PLCB1: variants seen among roughly 807,000 people sequenced by gnomAD.
PLCB1 encodes phospholipase C beta 1.
A neutral mutation model predicts 161.8 loss-of-function variants in PLCB1; 46 were observed. That is an observed-to-expected ratio of 0.28 (90% CI 0.22 to 0.36). PLCB1 has a LOEUF of 0.36. Among genes scored for constraint, PLCB1 ranks in the 10% least tolerant of loss-of-function variants. PLCB1 has a pLI of 1.00. For missense variants in PLCB1, 1,016 were observed against 1,472.5 expected, an observed-to-expected ratio of 0.69 and a Z score of 5.07; for synonymous variants, 517 against 503.7, an observed-to-expected ratio of 1.03 and a Z score of -0.35.
chr20:8,380,097 G>T (rs1017258428), intron 3 of PLCB1, among the ~76,000 whole-genome samples: 1 of 152,134 alleles, frequency 6.6e-6, no homozygotes, highest in African/African-American at 2.4e-5. Context: ...TATGGTTTTG[G>T]GTTTTACATT....
intron 31 of PLCB1, among the ~76,000 whole-genome samples, chr20:8,800,148 A>G (rs978689090): frequency 1.2e-4 from 18 of 152,348 alleles, no homozygotes; most frequent in African/African-American, 3.6e-4. Flanking sequence ...CATGAGGGCA[A>G]ATGCAGGCAT....
At chr20:8,768,897 A>G (rs1982520289) in intron 26 of PLCB1, among the ~76,000 whole-genome samples, 1 of 152,214 alleles carries the variant, frequency 6.6e-6, no homozygotes, top group Non-Finnish European at 1.5e-5. Context: ...AACTATCCCT[A>G]ATGTTAGGAG....
intron 3 of PLCB1, among the ~76,000 whole-genome samples, chr20:8,422,683 A>G (rs1296937230): frequency 6.6e-6 from 1 of 152,200 alleles, no homozygotes; most frequent in African/African-American, 2.4e-5. Flanking sequence ...ATTTGGAAAT[A>G]AATGCCCTTC....
At chr20:8,134,477 A>G (rs144376907) in intron 1 of PLCB1, among the ~76,000 whole-genome samples, 3 of 152,234 alleles carry the variant, frequency 2.0e-5, no homozygotes, top group Non-Finnish European at 4.4e-5. Flanking sequence ...CCAACATCAC[A>G]TTGAGAATGA....
chr20:8,796,574 TC>T (rs1416670437), intron 31 of PLCB1, among the ~76,000 whole-genome samples: 2 of 152,232 alleles, frequency 1.3e-5, no homozygotes, highest in Non-Finnish European at 2.9e-5. Flanking sequence ...CTGCTCATTG[TC>T]AAGTCTCAAT....
At chr20:8,229,062 C>T (rs1345920530) in intron 2 of PLCB1, among the ~76,000 whole-genome samples, 1 of 152,112 alleles carries the variant, frequency 6.6e-6, no homozygotes, top group Non-Finnish European at 1.5e-5. Context: ...TTCTCACCCT[C>T]TAGTAGCCAC....
intron 2 of PLCB1, among the ~76,000 whole-genome samples, chr20:8,365,983 T>A (rs1986699062): frequency 6.6e-6 from 1 of 152,000 alleles, no homozygotes; most frequent in South Asian, 2.1e-4. Flanking sequence ...GGATTTCATG[T>A]CTCATCTACC....
intron 15 of PLCB1, 21 bp from the exon 16 acceptor site, chr20:8,724,635 C>CT (rs1288310956): frequency 7.3e-7 from 1 of 1,377,164 alleles, no homozygotes. Context: ...GAAATGTTTT[C>CT]TTTTTTATTC....
intron 3 of PLCB1, among the ~76,000 whole-genome samples, chr20:8,434,229 A>G (rs771943): frequency 0.61 from 92,492 of 151,934 alleles, 28,401 homozygotes; most frequent in East Asian, 0.7. Context: ...CATTTTTGAA[A>G]ATACGGTCTC....
At chr20:8,790,080 G>A (rs1983677950) in intron 30 of PLCB1, 95 bp from the exon 31 acceptor site, 1 of 775,788 alleles carries the variant, frequency 1.3e-6, no homozygotes, top group Non-Finnish European at 2.2e-6. Flanking sequence ...ATAATCAAAT[G>A]TAAGCCATAG....
intron 3 of PLCB1, among the ~76,000 whole-genome samples, chr20:8,471,014 C>T (rs1276687362): frequency 6.6e-6 from 1 of 151,988 alleles, no homozygotes; most frequent in Non-Finnish European, 1.5e-5. Flanking sequence ...AATATGATAA[C>T]TAAGTTTTAC....
At chr20:8,315,977 GC>G (rs1175585827) in intron 2 of PLCB1, among the ~76,000 whole-genome samples, 3 of 152,152 alleles carry the variant, frequency 2.0e-5, no homozygotes, top group African/African-American at 7.2e-5. Context: ...AAATCTGCCA[GC>G]TCTCAGGGGG....
chr20:8,307,165 G>A (rs1054683364), intron 2 of PLCB1, among the ~76,000 whole-genome samples: 1 of 152,220 alleles, frequency 6.6e-6, no homozygotes, highest in African/African-American at 2.4e-5. Flanking sequence ...AGTGTTTATT[G>A]TAAAGGCAGC....
chr20:8,323,297 A>G (rs1984996220), intron 2 of PLCB1, among the ~76,000 whole-genome samples: 2 of 152,208 alleles, frequency 1.3e-5, no homozygotes, highest in South Asian at 4.1e-4. Context: ...ATAACATCCC[A>G]AACTTAGTGG....
In PLCB1 at chr20:8,282,958, C is replaced by T. The variant is rs6039119; in HGVS notation, c.178-88424C>T. On this transcript the variant is annotated intron_variant, in intron 2 of 31. Coordinates refer to ENST00000338037, the MANE Select transcript of PLCB1 (RefSeq NM_015192.4). ...CTACTCTGAGATAATTAGGCAAGAG[C>T]TGACGTGGTTCTCCGTGGTGTTCAG... 3.3e-3 allele frequency among the ~76,000 whole-genome samples: 504 copies of T among 151,892 alleles called. 3 individuals are homozygous for T. The highest frequency in any genetic ancestry group is 0.012 in the African/African-American group (479 of 41,342).
intron 2 of PLCB1, among the ~76,000 whole-genome samples, chr20:8,200,636 GT>G (rs2052083007): frequency 6.6e-6 from 1 of 151,800 alleles, no homozygotes; most frequent in South Asian, 2.1e-4. Context: ...AATTTTAATA[GT>G]TTTTTTCTGA....
intron 3 of PLCB1, among the ~76,000 whole-genome samples, chr20:8,611,100 T>G (rs999126943): frequency 3.3e-5 from 5 of 152,038 alleles, no homozygotes; most frequent in Non-Finnish European, 7.4e-5. Flanking sequence ...AATTTTACTT[T>G]TATTTATTTT....
chr20:8,726,059 G>A (rs1246681849), intron 16 of PLCB1, among the ~76,000 whole-genome samples: 1 of 152,108 alleles, frequency 6.6e-6, no homozygotes, highest in African/African-American at 2.4e-5. Context: ...TGGAGAAGGT[G>A]AGAAGATGGA....
At chr20:8,626,216 A>G (rs778815475) in intron 3 of PLCB1, among the ~76,000 whole-genome samples, 3 of 151,720 alleles carry the variant, frequency 2.0e-5, no homozygotes, top group Admixed American at 6.6e-5. Context: ...ATGAGCAACA[A>G]TTACTGGGGA....
Sources: gnomAD v4.1 joint callset for allele counts (sites outside exome capture counted in the v4.1 genomes callset) on GRCh38, gnomAD v4.1.1 for gene constraint, MANE v1.5 for transcripts, NCBI Gene and HGNC (gene_info 2026-07-23, HGNC 2026-07-21) for gene names.